Variants in SEMA3A observed in about 807,000 individuals in gnomAD.
SEMA3A encodes the protein semaphorin 3A.
SEMA3A carries 29 observed loss-of-function variants against 97.9 expected under a neutral mutation model. The observed-to-expected ratio is 0.30, with a 90% CI of 0.22 to 0.40. The LOEUF is 0.40. SEMA3A is among the 10% of genes least tolerant of loss of function. SEMA3A has a pLI of 1.00. For missense variants in SEMA3A, 763 were observed against 951.3 expected (o/e 0.80, Z 2.60); for synonymous variants, 321 against 323.7 (o/e 0.99, Z 0.09).
At chr7:84,288,967 G>A (rs1800669814) in intron 3 of SEMA3A, among the ~76,000 whole-genome samples, 1 of 152,030 alleles carries the variant, frequency 6.6e-6, no homozygotes, top group African/African-American at 2.4e-5. Flanking sequence ...AAACCTATGT[G>A]TCCTTCCATA....
At chr7:84,466,525 T>C (rs1806003087) in intron 1 of SEMA3A, among the ~76,000 whole-genome samples, 1 of 152,218 alleles carries the variant, frequency 6.6e-6, no homozygotes, top group Admixed American at 6.5e-5. Flanking sequence ...TCCTTATCCA[T>C]GGAAGCAAAT....
intron 3 of SEMA3A, among the ~76,000 whole-genome samples, chr7:84,210,532 G>C (rs1363965747): frequency 6.6e-6 from 1 of 152,120 alleles, no homozygotes; most frequent in Non-Finnish European, 1.5e-5. Flanking sequence ...ATCAGCAGGG[G>C]CCTAATCAAA....
chr7:84,110,432 G>A (rs758300440), intron 4 of SEMA3A, 38 bp downstream of exon 4: 5 of 1,610,230 alleles, frequency 3.1e-6, no homozygotes, highest in East Asian at 2.2e-5. Flanking sequence ...ATAGAAAGGG[G>A]TCATGGACAA....
At chr7:83,969,588 C>G (rs1377129222) in intron 15 of SEMA3A, among the ~76,000 whole-genome samples, 1 of 151,988 alleles carries the variant, frequency 6.6e-6, no homozygotes, top group East Asian at 1.9e-4. Context: ...ATAGAGTTAT[C>G]ATAATTATAT....
chr7:84,425,312 A>G (rs1459480584), intron 1 of SEMA3A, among the ~76,000 whole-genome samples: 2 of 113,804 alleles, frequency 1.8e-5, no homozygotes, highest in African/African-American at 4.1e-5. Context: ...AATATATAAT[A>G]TAATGATATA....
chr7:84,164,276 G>A (rs1288277929), intron 1 of SEMA3A, among the ~76,000 whole-genome samples: 1 of 152,016 alleles, frequency 6.6e-6, no homozygotes, highest in African/African-American at 2.4e-5. Flanking sequence ...GCATTGCCGT[G>A]ACTTATCCTA....
chr7:84,096,156 G>T (rs1053306783), intron 4 of SEMA3A, among the ~76,000 whole-genome samples: 2 of 152,014 alleles, frequency 1.3e-5, no homozygotes, highest in African/African-American at 4.8e-5. Context: ...CAGTGAGAGT[G>T]AAGGCAATGT....
chr7:84,339,624 G>A (rs1405488521), intron 2 of SEMA3A, among the ~76,000 whole-genome samples: 5 of 152,124 alleles, frequency 3.3e-5, no homozygotes, highest in African/African-American at 9.7e-5. Flanking sequence ...CATGAAGTAT[G>A]GAGTTGAAGA....
rs185485978 is a variant in SEMA3A, at chr7:84,364,623, T to A, written c.-169+7201A>T. ...ATGGGAACCTAAGCATTTATTGTAC[T>A]TCCAAATAGCAAAAAACAATTTTCT... On this transcript the variant is annotated intron_variant, in intron 2 of 3. Coordinates refer to the SEMA3A transcript ENST00000424555. 1.1e-4 allele frequency among the ~76,000 whole-genome samples: 16 copies of A among 151,894 alleles called. No individual in the cohort carries two copies. In the Admixed American group the frequency reaches 1.1e-3, roughly 10 times the overall value.
intron 4 of SEMA3A, among the ~76,000 whole-genome samples, chr7:84,079,384 G>A (rs1332289836): frequency 6.6e-6 from 1 of 150,398 alleles, no homozygotes; most frequent in African/African-American, 2.4e-5. Context: ...CTTCTGCACA[G>A]CAAAAGAAAC....
At chr7:84,279,378 G>A (rs1462638419) in intron 3 of SEMA3A, among the ~76,000 whole-genome samples, 1 of 152,040 alleles carries the variant, frequency 6.6e-6, no homozygotes, top group African/African-American at 2.4e-5. Context: ...AATGCATAAA[G>A]TAGATACAAC....
chr7:84,141,341 A>G (rs1796285545), intron 1 of SEMA3A, among the ~76,000 whole-genome samples: 1 of 151,808 alleles, frequency 6.6e-6, no homozygotes, highest in African/African-American at 2.4e-5. Context: ...CAGCTCTACC[A>G]CCTTTTCCTA....
At chr7:84,383,017 A>G (rs1803306761) in intron 1 of SEMA3A, among the ~76,000 whole-genome samples, 1 of 148,348 alleles carries the variant, frequency 6.7e-6, no homozygotes, top group Admixed American at 6.9e-5. Flanking sequence ...GTGTAAAGGT[A>G]ACTGGAATCA....
At chr7:84,403,784 G>A (rs951361055) in intron 1 of SEMA3A, among the ~76,000 whole-genome samples, 1 of 152,098 alleles carries the variant, frequency 6.6e-6, no homozygotes, top group South Asian at 2.1e-4. Context: ...AGGCAAACAG[G>A]GTCTGGAGTG....
chr7:84,406,009 A>G (rs1046688721), intron 1 of SEMA3A, among the ~76,000 whole-genome samples: 1 of 152,188 alleles, frequency 6.6e-6, no homozygotes, highest in Non-Finnish European at 1.5e-5. Flanking sequence ...AAAAGGAAAC[A>G]CATTCAAAAG....
intron 5 of SEMA3A, among the ~76,000 whole-genome samples, chr7:84,053,284 G>A (rs1486622833): frequency 9.3e-6 from 1 of 107,762 alleles, no homozygotes; most frequent in Non-Finnish European, 2.2e-5. Context: ...TTTCTGTCTC[G>A]TTGATCTGTC....
chr7:84,354,032 G>GA (rs1802497610), intron 2 of SEMA3A, among the ~76,000 whole-genome samples: 1 of 151,220 alleles, frequency 6.6e-6, no homozygotes, highest in Non-Finnish European at 1.5e-5. Flanking sequence ...TTAATGTACT[G>GA]AAAAAAGAAA....
intron 15 of SEMA3A, among the ~76,000 whole-genome samples, chr7:83,974,554 A>G (rs1351419802): frequency 3.3e-5 from 5 of 152,148 alleles, no homozygotes; most frequent in African/African-American, 4.8e-5. Flanking sequence ...ATTTTATTCA[A>G]TGTGAGAATT....
chr7:84,474,903 T>C (rs1282623022), intron 1 of SEMA3A, among the ~76,000 whole-genome samples: 15 of 151,478 alleles, frequency 9.9e-5, no homozygotes. Context: ...TGGAGAAATA[T>C]TAGAGGTTTA....
Sources: allele counts gnomAD v4.1 joint callset (sites outside exome capture counted in the v4.1 genomes callset), GRCh38; gene constraint gnomAD v4.1.1; transcripts MANE v1.5; gene names NCBI Gene and HGNC (gene_info 2026-07-23, HGNC 2026-07-21).